Variants in DNAAF11 observed in about 807,000 individuals in gnomAD.
DNAAF11 encodes the protein dynein axonemal assembly factor 11, also known as leucine rich repeat containing 6.
A neutral mutation model predicts 60.8 loss-of-function variants in DNAAF11; 45 were observed. The observed-to-expected ratio is 0.74, with a 90% CI of 0.58 to 0.95. DNAAF11 has a LOEUF of 0.95. DNAAF11 is among the 40% of genes least tolerant of loss of function. The pLI is 0.00. For missense variants in DNAAF11, 546 were observed against 546.2 expected, an observed-to-expected ratio of 1.00 and a Z score of 0.00; for synonymous variants, 191 against 183.5, an observed-to-expected ratio of 1.04 and a Z score of -0.33.
At chr8:132,628,580 T>A (rs1820506702) in intron 5 of DNAAF11, among the ~76,000 whole-genome samples, 1 of 152,160 alleles carries the variant, frequency 6.6e-6, no homozygotes, top group Non-Finnish European at 1.5e-5. Context: ...GATGTTCATC[T>A]CCCTTTCTTG....
At chr8:132,644,698 C>T (rs1822195355) in intron 3 of DNAAF11, among the ~76,000 whole-genome samples, 1 of 152,218 alleles carries the variant, frequency 6.6e-6, no homozygotes, top group African/African-American at 2.4e-5. Flanking sequence ...CCATGCATGA[C>T]TTGGAGGGTC....
intron 3 of DNAAF11, among the ~76,000 whole-genome samples, chr8:132,639,891 T>A (rs1227563213): frequency 6.6e-6 from 1 of 152,118 alleles, no homozygotes; most frequent in Non-Finnish European, 1.5e-5. Context: ...AGTTCACATT[T>A]ATGTCTAACA....
intron 3 of DNAAF11, among the ~76,000 whole-genome samples, chr8:132,646,454 T>G (rs1238588628): frequency 6.6e-6 from 1 of 152,174 alleles, no homozygotes; most frequent in East Asian, 1.9e-4. Flanking sequence ...CCAGCTAACA[T>G]CATAATGACA....
At chr8:132,629,253 C>T (rs1298682368) in intron 5 of DNAAF11, among the ~76,000 whole-genome samples, 1 of 152,018 alleles carries the variant, frequency 6.6e-6, no homozygotes, top group Non-Finnish European at 1.5e-5. Flanking sequence ...CCCAAAATCC[C>T]ATAGCAAACA....
chr8:132,671,552 A>G (rs1825190911), intron 1 of DNAAF11, among the ~76,000 whole-genome samples: 1 of 152,208 alleles, frequency 6.6e-6, no homozygotes, highest in Non-Finnish European at 1.5e-5. Context: ...TCATATAGAA[A>G]TGTAAAGGAT....
At chr8:132,687,688 GGATAAGT>G in the DNAAF11 span, 2 of 456,186 alleles carry the variant, frequency 4.4e-6, no homozygotes, top group Non-Finnish European at 8.8e-6. Context: ...GAAGTTTAAG[GGATAAGT>G]GACTTGCCCA....
At chr8:132,580,453 C>T (rs1318649531) in intron 11 of DNAAF11, among the ~76,000 whole-genome samples, 2 of 152,142 alleles carry the variant, frequency 1.3e-5, no homozygotes, top group African/African-American at 4.8e-5. Flanking sequence ...AAGTAGACTA[C>T]TTAGTGGTGA....
At chr8:132,597,883 C>T (rs1267866439) in intron 10 of DNAAF11, among the ~76,000 whole-genome samples, 1 of 152,100 alleles carries the variant, frequency 6.6e-6, no homozygotes, top group African/African-American at 2.4e-5. Context: ...AGAATAAAGA[C>T]TGCTAAGATA....
At chr8:132,593,340 T>C (rs1220128858) in intron 10 of DNAAF11, among the ~76,000 whole-genome samples, 2 of 141,244 alleles carry the variant, frequency 1.4e-5, no homozygotes, top group Non-Finnish European at 3.1e-5. Flanking sequence ...TACATATATA[T>C]ATATATATAT....
intron 11 of DNAAF11, among the ~76,000 whole-genome samples, chr8:132,579,947 G>C (rs1309569597): frequency 1.3e-5 from 2 of 151,070 alleles, no homozygotes; most frequent in African/African-American, 4.9e-5. Flanking sequence ...AGTGAGCCAA[G>C]ATCATGCCAT....
intron 1 of DNAAF11, among the ~76,000 whole-genome samples, chr8:132,673,066 G>A (rs781544152): frequency 6.6e-6 from 1 of 152,146 alleles, no homozygotes; most frequent in African/African-American, 2.4e-5. Flanking sequence ...TGGGAAGCAC[G>A]GGGGAGAGAG....
chr8:132,586,149 G>C (rs887017123), intron 10 of DNAAF11, among the ~76,000 whole-genome samples: 2 of 152,168 alleles, frequency 1.3e-5, no homozygotes, highest in African/African-American at 4.8e-5. Flanking sequence ...AGAGAACGGG[G>C]GGAAGGGGTC....
intron 3 of DNAAF11, among the ~76,000 whole-genome samples, chr8:132,653,212 G>C (rs1205861518): frequency 2.0e-5 from 3 of 152,100 alleles, no homozygotes; most frequent in African/African-American, 7.2e-5. Context: ...GTAGATGGAT[G>C]GATAGATGGA....
intron 3 of DNAAF11, chr8:132,643,441 T>C: frequency 3.0e-6 from 1 of 336,670 alleles, no homozygotes; most frequent in Non-Finnish European, 5.9e-6. Flanking sequence ...AGGAGGCAGG[T>C]AGGATAAGAA....
At chr8:132,610,032 AGCTGCT>A (rs1355837346) in intron 10 of DNAAF11, 128 bp downstream of exon 10, 9 of 606,262 alleles carry the variant, frequency 1.5e-5, no homozygotes, top group South Asian at 4.3e-5. Context: ...CTCCTACCTC[AGCTGCT>A]GTGAGATTTC....
At chr8:132,599,946 T>A (rs920854843) in intron 10 of DNAAF11, among the ~76,000 whole-genome samples, 4 of 152,068 alleles carry the variant, frequency 2.6e-5, no homozygotes, top group African/African-American at 7.2e-5. Context: ...GAGAAAGAAA[T>A]AAAGGGTACT....
rs1563726127 is a variant in DNAAF11 at position 132,674,147 on chromosome 8, A to AGAAG, written c.10+1336_10+1337insCTTC. Among the ~76,000 whole-genome samples the AGAAG allele has an allele frequency of 1.1e-3, 36 of 32,124 alleles. 3 individuals carry two copies. Among genetic ancestry groups the AGAAG allele is most frequent in the African/African-American group, 4.5e-3 (32 of 7,042 alleles). The allele number at this position is 32,124 out of a possible 152,430, so 21.1% of individuals were successfully genotyped here. On this transcript the variant is annotated intron_variant, in intron 1 of 11. Coordinates refer to ENST00000620350, the MANE Select transcript of DNAAF11 (RefSeq NM_012472.6). ...AGGAGGAGGAGGAGAAGGAGGAGGA[A>AGAAG]GAGGAGGAGGAGAAGGAGAAGGAGG...
chr8:132,650,071 A>G (rs568241184), intron 3 of DNAAF11, among the ~76,000 whole-genome samples: 1 of 152,334 alleles, frequency 6.6e-6, no homozygotes, highest in East Asian at 1.9e-4. Flanking sequence ...ATGCATACGT[A>G]TATTTATTGC....
the DNAAF11 span, among the ~76,000 whole-genome samples, chr8:132,682,183 G>A: frequency 6.6e-6 from 1 of 152,186 alleles, no homozygotes; most frequent in Non-Finnish European, 1.5e-5. Flanking sequence ...GAAACACTAA[G>A]TCATCTGCCA....
Sources: gnomAD v4.1 joint callset for allele counts (sites outside exome capture counted in the v4.1 genomes callset) on GRCh38, gnomAD v4.1.1 for gene constraint, MANE v1.5 for transcripts, NCBI Gene and HGNC (gene_info 2026-07-23, HGNC 2026-07-21) for gene names.